Variants in CACNA1D observed in about 807,000 individuals in gnomAD.
CACNA1D encodes the protein calcium voltage-gated channel subunit alpha1 D.
A neutral mutation model predicts 257.1 loss-of-function variants in CACNA1D; 55 were observed. The observed-to-expected ratio is 0.21, with a 90% CI of 0.17 to 0.27. The LOEUF is 0.27. Among genes scored for constraint, CACNA1D ranks in the 10% least tolerant of loss-of-function variants. CACNA1D has a pLI of 1.00. For synonymous variants in CACNA1D, 980 were observed against 1,014.9 expected (o/e 0.97, Z 0.65); for missense variants, 1,876 against 2,784.0 (o/e 0.67, Z 7.34).
intron 3 of CACNA1D, among the ~76,000 whole-genome samples, chr3:53,557,301 C>G (rs894691379): frequency 1.3e-5 from 2 of 151,992 alleles, no homozygotes; most frequent in Admixed American, 6.5e-5. Context: ...TTGAGACCAG[C>G]CTGACCAACA....
At chr3:53,620,912 G>C (rs1011286221) in intron 3 of CACNA1D, among the ~76,000 whole-genome samples, 4 of 152,220 alleles carry the variant, frequency 2.6e-5, no homozygotes, top group African/African-American at 4.8e-5. Context: ...TGAGGCCAGA[G>C]GAAGAAGGGA....
intron 9 of CACNA1D, among the ~76,000 whole-genome samples, chr3:53,717,663 T>C (rs923049339): frequency 3.3e-5 from 5 of 152,192 alleles, no homozygotes; most frequent in Admixed American, 6.5e-5. Flanking sequence ...AACACTATAA[T>C]TCCTTGGTGC....
chr3:53,802,139 C>T lies in CACNA1D; in HGVS notation c.5409-8C>T. ...CCCTCCTTCCCATGTTATGCCTTTC[C>T]TGGATAGAACCCGCTATTATGAAAC... On this transcript the variant is annotated splice_polypyrimidine_tract_variant and splice_region_variant and intron_variant, in intron 42 of 47. Coordinates refer to ENST00000350061, the MANE Select transcript of CACNA1D (RefSeq NM_001128840.3). 6.2e-7 allele frequency: 1 copy of T among 1,605,770 alleles called. No homozygotes were observed. The highest frequency in any genetic ancestry group is 8.5e-7 in the Non-Finnish European group (1 of 1,172,398).
intron 3 of CACNA1D, among the ~76,000 whole-genome samples, chr3:53,548,829 C>T (rs1327325783): frequency 6.6e-6 from 1 of 152,184 alleles, no homozygotes; most frequent in East Asian, 1.9e-4. Flanking sequence ...GTGAGGTGAG[C>T]AGCATTGTGA....
chr3:53,541,060 C>T (rs1324084719), intron 3 of CACNA1D, among the ~76,000 whole-genome samples: 1 of 152,094 alleles, frequency 6.6e-6, no homozygotes, highest in Non-Finnish European at 1.5e-5. Flanking sequence ...ATTTCATTGA[C>T]AGAATTAAGG....
At chr3:53,803,739 G>C (rs1035277470) in intron 44 of CACNA1D, among the ~76,000 whole-genome samples, 167 bp downstream of exon 44, 1 of 152,228 alleles carries the variant, frequency 6.6e-6, no homozygotes, top group East Asian at 1.9e-4. Context: ...AAAGAGAGCC[G>C]CAGAGAGGCA....
chr3:53,699,670 C>G (rs889909991), intron 8 of CACNA1D, among the ~76,000 whole-genome samples: 1 of 152,232 alleles, frequency 6.6e-6, no homozygotes. Flanking sequence ...AACCTCACCT[C>G]TGTCCACATC....
intron 21 of CACNA1D, among the ~76,000 whole-genome samples, chr3:53,742,104 G>A (rs911534239): frequency 5.3e-5 from 8 of 152,122 alleles, no homozygotes; most frequent in Admixed American, 3.3e-4. Context: ...TGGCCTTGGG[G>A]ACATTTGGAA....
chr3:53,606,391 A>T (rs2093510880), intron 3 of CACNA1D, among the ~76,000 whole-genome samples: 1 of 152,256 alleles, frequency 6.6e-6, no homozygotes. Context: ...CTCTGGTTAC[A>T]GCAAATGTGA....
In CACNA1D at chr3:53,723,935, A is replaced by T; in HGVS notation, c.2036A>T (p.Asp679Val). ...CTGTTTGGCGGCAAGTTTAATTTTG[A>T]TGAAACGCAAACCAAGCGGAGCACC... ...MQLFGGKFNF[D>V]ETQTKRSTFD... Residue 679 changes from aspartate to valine, a missense_variant, in exon 14 of 48, where the codon GAT (aspartate) becomes GTT (valine). This residue lies in a region of CACNA1D where 257 missense variants were observed against 399.7 expected (regional missense o/e 0.64). Coordinates refer to ENST00000350061, the MANE Select transcript of CACNA1D (RefSeq NM_001128840.3). The surrounding 1 kb of genome is among the most constrained non-coding windows in gnomAD (Gnocchi z 5.6). 6.2e-7 allele frequency: 1 copy of T among 1,614,132 alleles called. No homozygotes were observed. The highest frequency in any genetic ancestry group is 1.1e-5 in the South Asian group (1 of 91,076).
intron 3 of CACNA1D, among the ~76,000 whole-genome samples, chr3:53,517,467 T>C (rs2091385653): frequency 6.6e-6 from 1 of 151,656 alleles, no homozygotes; most frequent in African/African-American, 2.4e-5. Flanking sequence ...ATCACCATTT[T>C]CTTTTCCTTT....
intron 15 of CACNA1D, among the ~76,000 whole-genome samples, chr3:53,727,625 C>T (rs1222310463): frequency 6.6e-6 from 1 of 152,192 alleles, no homozygotes; most frequent in East Asian, 1.9e-4. Context: ...CATTCAGACC[C>T]TTCCTGATCC....
At chr3:53,803,946 C>T (rs180855592) in intron 44 of CACNA1D, among the ~76,000 whole-genome samples, 26 of 152,220 alleles carry the variant, frequency 1.7e-4, no homozygotes, top group Admixed American at 1.5e-3. Flanking sequence ...TCTGTGTGGA[C>T]GGCGGCTTGG....
intron 45 of CACNA1D, among the ~76,000 whole-genome samples, chr3:53,806,382 G>T (rs1398737073): frequency 6.6e-6 from 1 of 152,120 alleles, no homozygotes; most frequent in Non-Finnish European, 1.5e-5. Flanking sequence ...GAGGGGCTGG[G>T]GCTGGGGCTG....
At chr3:53,783,648 G>T (rs1352151084) in intron 39 of CACNA1D, among the ~76,000 whole-genome samples, 1 of 152,180 alleles carries the variant, frequency 6.6e-6, no homozygotes, top group East Asian at 1.9e-4. Context: ...CTGTGGCCAC[G>T]AAGGAAGTTC....
At chr3:53,783,724 C>T (rs1007505509) in intron 39 of CACNA1D, among the ~76,000 whole-genome samples, 1 of 152,234 alleles carries the variant, frequency 6.6e-6, no homozygotes, top group Non-Finnish European at 1.5e-5. Flanking sequence ...GGGCTTGGTT[C>T]TCCACATTCA....
chr3:53,691,863 T>TTA (rs1157247515), intron 8 of CACNA1D, among the ~76,000 whole-genome samples: 9 of 109,182 alleles, frequency 8.2e-5, no homozygotes, highest in Non-Finnish European at 1.4e-4. Context: ...ATAATATATA[T>TTA]TATATATATT....
At chr3:53,803,284 C>T in intron 43 of CACNA1D, 139 bp from the exon 44 acceptor site, 3 of 867,300 alleles carry the variant, frequency 3.5e-6, no homozygotes, top group Non-Finnish European at 5.8e-6. Context: ...CGGAACAGTC[C>T]AGTGCTGCCT....
intron 29 of CACNA1D, among the ~76,000 whole-genome samples, chr3:53,757,524 C>A (rs556424196): frequency 6.6e-6 from 1 of 152,352 alleles, no homozygotes; most frequent in African/African-American, 2.4e-5. Flanking sequence ...GGCCTCAGCC[C>A]TTCTACCTAC....
Sources: allele counts gnomAD v4.1 joint callset (sites outside exome capture counted in the v4.1 genomes callset), GRCh38; gene constraint gnomAD v4.1.1; regional missense constraint gnomAD v4.1.1; non-coding constraint Gnocchi (gnomAD v3.1); transcripts MANE v1.5; gene names NCBI Gene and HGNC (gene_info 2026-07-23, HGNC 2026-07-21).